PLEKHG1: variants seen among roughly 807,000 people sequenced by gnomAD.
The protein encoded by PLEKHG1 is pleckstrin homology domain-containing family G member 1.
In PLEKHG1, 44 loss-of-function variants were observed where a neutral mutation model predicts 100.8. That is an observed-to-expected ratio of 0.44 (90% CI 0.34 to 0.56). The LOEUF is 0.56. PLEKHG1 is among the 20% of genes least tolerant of loss of function. The pLI, the probability that PLEKHG1 is intolerant of heterozygous loss-of-function variation, is 0.01. For synonymous variants in PLEKHG1, 640 were observed against 662.5 expected (o/e 0.97, Z 0.52); for missense variants, 1,545 against 1,720.9 (o/e 0.90, Z 1.81).
chr6:150,778,339 G>T (rs529155393), intron 3 of PLEKHG1, among the ~76,000 whole-genome samples: 1 of 152,128 alleles, frequency 6.6e-6, no homozygotes, highest in Non-Finnish European at 1.5e-5. Context: ...TGTTGGCCAG[G>T]TTGGTCTCAA....
intron 14 of PLEKHG1, among the ~76,000 whole-genome samples, chr6:150,829,797 A>G (rs1190808199): frequency 6.6e-6 from 1 of 152,146 alleles, no homozygotes; most frequent in African/African-American, 2.4e-5. Flanking sequence ...CTATAAACCA[A>G]GGTAATGCTG....
chr6:150,724,411 C>T (rs1393589724), intron 1 of PLEKHG1, among the ~76,000 whole-genome samples: 1 of 152,180 alleles, frequency 6.6e-6, no homozygotes, highest in Non-Finnish European at 1.5e-5. Context: ...AGTGGTAACA[C>T]AGTGGATGGT....
chr6:150,787,074 T>C (rs1785671470), intron 4 of PLEKHG1, among the ~76,000 whole-genome samples: 2 of 146,900 alleles, frequency 1.4e-5, no homozygotes, highest in Non-Finnish European at 3.0e-5. Flanking sequence ...TAGAAAAATA[T>C]AAAATACCAC....
chr6:150,750,934 CTT>C (rs1783480007), intron 2 of PLEKHG1, among the ~76,000 whole-genome samples: 1 of 152,108 alleles, frequency 6.6e-6, no homozygotes, highest in African/African-American at 2.4e-5. Flanking sequence ...AGTTACTAAA[CTT>C]TTCAATTTGT....
At chr6:150,684,430 C>A (rs1380911020) in intron 3 of PLEKHG1, among the ~76,000 whole-genome samples, 1 of 152,174 alleles carries the variant, frequency 6.6e-6, no homozygotes, top group Non-Finnish European at 1.5e-5. Flanking sequence ...GGCTTGGGGA[C>A]TAGTATTTGA....
intron 2 of PLEKHG1, among the ~76,000 whole-genome samples, chr6:150,758,111 T>C (rs1466708376): frequency 6.6e-6 from 1 of 152,232 alleles, no homozygotes; most frequent in African/African-American, 2.4e-5. Context: ...TCTATGTCTT[T>C]GCTATTGTGA....
intron 3 of PLEKHG1, among the ~76,000 whole-genome samples, chr6:150,770,264 T>C (rs1784658605): frequency 1.3e-5 from 2 of 152,302 alleles, no homozygotes; most frequent in South Asian, 4.1e-4. Flanking sequence ...TGTGAGCTCC[T>C]TGAGGGCAGG....
chr6:150,689,145 T>C (rs1392329182), intron 3 of PLEKHG1, among the ~76,000 whole-genome samples: 1 of 152,220 alleles, frequency 6.6e-6, no homozygotes, highest in Non-Finnish European at 1.5e-5. Flanking sequence ...AATTATCTAA[T>C]ATTTGTCCTT....
intron 1 of PLEKHG1, among the ~76,000 whole-genome samples, chr6:150,634,276 A>G (rs1196388773): frequency 6.7e-6 from 1 of 149,298 alleles, no homozygotes; most frequent in East Asian, 1.9e-4. Flanking sequence ...AAAAAGAGGA[A>G]GAAGAAAAAA....
At chr6:150,747,095 G>A (rs1268369671) in intron 2 of PLEKHG1, among the ~76,000 whole-genome samples, 1 of 152,234 alleles carries the variant, frequency 6.6e-6, no homozygotes, top group African/African-American at 2.4e-5. Context: ...TTCTATTGGA[G>A]ATTTGCTAAA....
chr6:150,652,720 C>CA (rs199612130), intron 3 of PLEKHG1, among the ~76,000 whole-genome samples: 3,726 of 81,846 alleles, frequency 0.046, 82 homozygotes, highest in South Asian at 0.11. Context: ...AACTGTGTCT[C>CA]AAAAAAAAAA....
chr6:150,725,334 T>G (rs948795415), intron 1 of PLEKHG1, among the ~76,000 whole-genome samples: 2 of 152,186 alleles, frequency 1.3e-5, no homozygotes, highest in Non-Finnish European at 2.9e-5. Flanking sequence ...TTTCAACATA[T>G]GAATTTTGAG....
chr6:150,627,387 T>A (rs1179894180), intron 1 of PLEKHG1, among the ~76,000 whole-genome samples: 1 of 152,140 alleles, frequency 6.6e-6, no homozygotes. Flanking sequence ...AAATTTTTCT[T>A]CAAAAATAAG....
chr6:150,734,199 G>A, intron 2 of PLEKHG1, 107 bp downstream of exon 3: 1 of 1,074,186 alleles, frequency 9.3e-7, no homozygotes, highest in South Asian at 1.5e-5. Context: ...GAGGCGGAAG[G>A]GATGTGAATG....
chr6:150,649,985 C>A (rs1562409107), intron 2 of PLEKHG1, among the ~76,000 whole-genome samples: 1 of 151,354 alleles, frequency 6.6e-6, no homozygotes. Context: ...GCACTCCAGC[C>A]TGGGCGACAG....
At chr6:150,706,542 A>T (rs908605133) in intron 3 of PLEKHG1, among the ~76,000 whole-genome samples, 8 of 150,986 alleles carry the variant, frequency 5.3e-5, no homozygotes, top group African/African-American at 1.9e-4. Flanking sequence ...TGAGCCTGGG[A>T]GGTTGAGGCT....
intron 1 of PLEKHG1, among the ~76,000 whole-genome samples, chr6:150,608,718 T>G (rs1776702878): frequency 6.6e-6 from 1 of 152,218 alleles, no homozygotes; most frequent in Non-Finnish European, 1.5e-5. Context: ...TTGGGGATAT[T>G]ATGAAAAAAA....
At chr6:150,784,833 A>G (rs76351802) in intron 3 of PLEKHG1, among the ~76,000 whole-genome samples, 3,439 of 152,284 alleles carry the variant, frequency 0.023, 133 homozygotes, top group African/African-American at 0.08. Flanking sequence ...ATGAAATCAT[A>G]GTATACTCTG....
chr6:150,808,512 G>A (rs1012472404), intron 7 of PLEKHG1, among the ~76,000 whole-genome samples: 8 of 152,116 alleles, frequency 5.3e-5, no homozygotes, highest in Admixed American at 6.5e-5. Context: ...CACTTTCAGA[G>A]GTATAGGTGG....
Sources: gnomAD v4.1 joint callset for allele counts (sites outside exome capture counted in the v4.1 genomes callset) on GRCh38, gnomAD v4.1.1 for gene constraint, MANE v1.5 for transcripts, NCBI Gene and HGNC (gene_info 2026-07-23, HGNC 2026-07-21) for gene names.